USP24: variants seen among roughly 807,000 people sequenced by gnomAD.
The protein encoded by USP24 is ubiquitin carboxyl-terminal hydrolase 24.
A neutral mutation model predicts 361.6 loss-of-function variants in USP24; 97 were observed. The observed-to-expected ratio is 0.27, with a 90% CI of 0.23 to 0.32. The LOEUF (loss-of-function observed/expected upper bound fraction) is 0.32. Among genes scored for constraint, USP24 ranks in the 10% least tolerant of loss-of-function variants. The probability of loss-of-function intolerance (pLI) is 1.00; values close to 1 mark genes in which losing one functional copy is unlikely to be tolerated. For synonymous variants in USP24, 1,098 were observed against 1,124.6 expected, an observed-to-expected ratio of 0.98 and a Z score of 0.47; for missense variants, 2,353 against 3,165.6, an observed-to-expected ratio of 0.74 and a Z score of 6.16.
Position 55,129,532 on chromosome 1 carries a change from C to A in USP24, c.3580G>T (p.Ala1194Ser). The A allele has an allele frequency of 6.2e-7, 1 of 1,613,844 alleles. No individual in the cohort carries two copies. The highest frequency in any genetic ancestry group is 8.5e-7 in the Non-Finnish European group (1 of 1,179,812). The change falls in exon 32 of 68, where the codon GCC becomes TCC. Residue 1194 changes from alanine to serine, a missense_variant. Ala to Ser is a moderately conservative substitution (Grantham distance 99). This residue lies in a region of USP24 where 949 missense variants were observed against 1,280.5 expected (regional missense o/e 0.74). Coordinates refer to ENST00000294383, the MANE Select transcript of USP24 (RefSeq NM_015306.3). ...KLMPTADDDM[A>S]RSCAKSFCEN... ...CAGAAGGATTTGGCACAGCTTCTGG[C>A]CATGTCATCATCAGCTGTTGGCATG...
chr1:55,091,875 G>GA (rs1645384905), intron 54 of USP24, 148 bp downstream of exon 54: 2 of 588,420 alleles, frequency 3.4e-6, no homozygotes, highest in Admixed American at 6.6e-5. Flanking sequence ...CATTAGGTTA[G>GA]AAGTTTCTTA....
intron 22 of USP24, 27 bp downstream of exon 22, chr1:55,142,952 G>C: frequency 6.8e-7 from 1 of 1,476,896 alleles, no homozygotes; most frequent in Non-Finnish European, 9.1e-7. Flanking sequence ...TTTTGTATAT[G>C]GATAACTTCT....
At chr1:55,108,917 A>T (rs1645868910) in intron 39 of USP24, among the ~76,000 whole-genome samples, 1 of 152,058 alleles carries the variant, frequency 6.6e-6, no homozygotes, top group Non-Finnish European at 1.5e-5. Flanking sequence ...ATCAAGACAC[A>T]CTCTCACACT....
At chr1:55,115,453 G>A (rs1485006066) in intron 38 of USP24, among the ~76,000 whole-genome samples, 2 of 112,986 alleles carry the variant, frequency 1.8e-5, no homozygotes, top group Admixed American at 1.4e-4. Flanking sequence ...CCGAGATCCC[G>A]CCACTGCACT....
chr1:55,208,981 A>G (rs1644782781), intron 1 of USP24, among the ~76,000 whole-genome samples: 1 of 152,172 alleles, frequency 6.6e-6, no homozygotes, highest in Non-Finnish European at 1.5e-5. Flanking sequence ...GTCACCTACT[A>G]TCAATATGAG....
intron 53 of USP24, 29 bp from the exon 54 acceptor site, chr1:55,092,155 T>C (rs1645390964): frequency 1.3e-6 from 2 of 1,514,796 alleles, no homozygotes; most frequent in Non-Finnish European, 1.8e-6. Context: ...AAAGAGGATA[T>C]TTTTCACAGA....
intron 7 of USP24, among the ~76,000 whole-genome samples, chr1:55,164,721 T>A (rs1648649030): frequency 6.6e-6 from 1 of 152,010 alleles, no homozygotes; most frequent in Non-Finnish European, 1.5e-5. Context: ...TTGATAATAA[T>A]GAGGGCTATG....
rs567352629 is a variant in USP24, at chr1:55,167,716, T to C, written c.826-1113A>G. On this transcript the variant is annotated intron_variant, in intron 5 of 67. Transcript: ENST00000294383. ...CCGAGAGAGGTCAAATGGAGACATA[T>C]TAGAGATTAAATCAAAGGACTTGTT... 2.6e-5 allele frequency among the ~76,000 whole-genome samples: 4 copies of C among 152,214 alleles called. No individual in the cohort carries two copies. In the South Asian group the frequency reaches 8.3e-4, roughly 32 times the overall value.
In USP24 at chr1:55,120,658, T is replaced by C. The variant is rs1646253634; in HGVS notation, c.4446A>G (p.Val1482=). The part of the protein sequence containing the change: ...VQKPNQFLLG[V]ILTAQLPLWS... Reference sequence around the variant, plus strand: ...AGAGAGGCAGCTGAGCCGTGAGGATTACGCCTAGAAGAAACTGATTTGGCT... The same window carrying C: ...AGAGAGGCAGCTGAGCCGTGAGGATCACGCCTAGAAGAAACTGATTTGGCT... Residue 1482 remains valine (V), a synonymous_variant, in exon 38 of 68, where the codon GTA becomes GTG. Coordinates refer to ENST00000294383, the MANE Select transcript of USP24 (RefSeq NM_015306.3). The C allele has an allele frequency of 2.6e-6, 4 of 1,562,080 alleles. No homozygotes were observed. The South Asian group carries it at 4.7e-5, about 18-fold the overall frequency.
At chr1:55,157,119 T>C (rs1422917014) in intron 11 of USP24, 68 bp from the exon 12 acceptor site, 31 of 1,455,440 alleles carry the variant, frequency 2.1e-5, no homozygotes, top group Non-Finnish European at 2.8e-5. Context: ...ATAATTCTAT[T>C]GATTCAAAAC....
chr1:55,190,637 AAATT>A, intron 1 of USP24, among the ~76,000 whole-genome samples: 1 of 152,350 alleles, frequency 6.6e-6, no homozygotes. Context: ...CACTGATTAT[AAATT>A]AATTAAAAAC....
At chr1:55,102,665 T>C (rs1465926375) in intron 42 of USP24, among the ~76,000 whole-genome samples, 3 of 152,082 alleles carry the variant, frequency 2.0e-5, no homozygotes, top group African/African-American at 7.2e-5. Context: ...CACCGAAATT[T>C]ATTTGTAGTC....
intron 31 of USP24, among the ~76,000 whole-genome samples, chr1:55,131,733 C>G (rs1033091738): frequency 6.6e-6 from 1 of 152,046 alleles, no homozygotes; most frequent in East Asian, 1.9e-4. Flanking sequence ...AATGCAGGTA[C>G]CCTCTTAAAA....
Position 55,099,842 on chromosome 1 carries a change from A to G in USP24, c.5299T>C (p.Tyr1767His). 3.9e-6 allele frequency: 6 copies of G among 1,555,364 alleles called. No homozygotes were observed. Among genetic ancestry groups the G allele is most frequent in the Non-Finnish European group, 4.4e-6 (5 of 1,148,846 alleles). ...TATGCATCCTGCTGTTCTCTCACATAAAGTTCTTTATTCCACATCTTGAAA... is the reference window on the plus strand; with the variant it reads ...TATGCATCCTGCTGTTCTCTCACATGAAGTTCTTTATTCCACATCTTGAAA... ...KIFKMWNKEL[Y>H]VREQQDAYEF... Residue 1767 changes from tyrosine (Y) to histidine (H), a missense_variant, in exon 45 of 68, where the codon TAT becomes CAT. Coordinates refer to ENST00000294383, the MANE Select transcript of USP24 (RefSeq NM_015306.3).
At chr1:55,071,485 A>G (rs1182631167) in intron 67 of USP24, 1 of 1,060,520 alleles carries the variant, frequency 9.4e-7, no homozygotes, top group African/African-American at 1.6e-5. Context: ...AGGGACTTTC[A>G]GTAACCTGGC....
intron 7 of USP24, among the ~76,000 whole-genome samples, chr1:55,165,493 G>A (rs1045982710): frequency 1.3e-5 from 2 of 152,018 alleles, no homozygotes; most frequent in Non-Finnish European, 2.9e-5. Flanking sequence ...AAACAACTCT[G>A]TTAAAAGTAT....
chr1:55,178,435 G>GA (rs1301998663), intron 1 of USP24, among the ~76,000 whole-genome samples: 7 of 152,080 alleles, frequency 4.6e-5, no homozygotes, highest in Non-Finnish European at 8.8e-5. Context: ...TTGGGAGGCC[G>GA]AGACGGGTGG....
intron 9 of USP24, 74 bp from the exon 10 acceptor site, chr1:55,159,110 A>T: frequency 1.6e-6 from 2 of 1,256,564 alleles, no homozygotes; most frequent in Non-Finnish European, 2.1e-6. Context: ...TATAACATAC[A>T]CAAGAATATA....
At chr1:55,113,291 A>G (rs1646008939) in intron 38 of USP24, among the ~76,000 whole-genome samples, 1 of 152,228 alleles carries the variant, frequency 6.6e-6, no homozygotes. Context: ...TAAGAAATGG[A>G]TAAATTCCCA....
Sources: allele counts gnomAD v4.1 joint callset (sites outside exome capture counted in the v4.1 genomes callset), GRCh38; gene constraint gnomAD v4.1.1; regional missense constraint gnomAD v4.1.1; transcripts MANE v1.5; gene names NCBI Gene and HGNC (gene_info 2026-07-23, HGNC 2026-07-21).